Variants in ZC3H18 observed in about 807,000 individuals in gnomAD.
ZC3H18 encodes the protein zinc finger CCCH domain-containing protein 18.
Under a neutral mutation model 106.1 loss-of-function variants are expected in ZC3H18, and 8 were observed. That is an observed-to-expected ratio of 0.08 (90% CI 0.04 to 0.14). ZC3H18 has a LOEUF of 0.14. Among genes scored for constraint, ZC3H18 ranks in the 10% least tolerant of loss-of-function variants. ZC3H18 has a pLI of 1.00. For synonymous variants in ZC3H18, 635 were observed against 522.1 expected, an observed-to-expected ratio of 1.22 and a Z score of -2.95; for missense variants, 1,318 against 1,278.4, an observed-to-expected ratio of 1.03 and a Z score of -0.47.
At chr16:88,613,900 C>G (rs1422608364) in intron 8 of ZC3H18, among the ~76,000 whole-genome samples, 1 of 152,086 alleles carries the variant, frequency 6.6e-6, no homozygotes, top group Non-Finnish European at 1.5e-5. Flanking sequence ...GTCTTTGATC[C>G]AGGCTGGGTG....
intron 10 of ZC3H18, 68 bp from the exon 11 acceptor site, chr16:88,623,890 C>T: frequency 6.5e-7 from 1 of 1,536,116 alleles, no homozygotes; most frequent in Non-Finnish European, 8.8e-7. Flanking sequence ...TGGGTGGGTC[C>T]TCAGTGGGCT....
chr16:88,594,186 C>G (rs1032046312), intron 3 of ZC3H18, among the ~76,000 whole-genome samples: 1 of 152,148 alleles, frequency 6.6e-6, no homozygotes, highest in East Asian at 1.9e-4. Context: ...CCAGGGTCAG[C>G]ATTCAAGAGA....
chr16:88,594,864 A>G (rs114921157), intron 3 of ZC3H18, among the ~76,000 whole-genome samples: 2,551 of 152,292 alleles, frequency 0.017, 38 homozygotes, highest in Non-Finnish European at 0.019. Flanking sequence ...AGAGAATAAA[A>G]CAGTTGGCTG....
intron 6 of ZC3H18, among the ~76,000 whole-genome samples, chr16:88,602,991 G>A (rs1189736897): frequency 6.6e-6 from 1 of 151,102 alleles, no homozygotes; most frequent in African/African-American, 2.4e-5. Flanking sequence ...TTGAGACGGA[G>A]TCTCGCTCTG....
At chr16:88,624,867 GC>G (rs1906204065) in intron 12 of ZC3H18, 122 bp downstream of exon 12, 3 of 1,378,410 alleles carry the variant, frequency 2.2e-6, no homozygotes, top group Non-Finnish European at 2.9e-6. Context: ...GCGCCCCCTA[GC>G]CGAGCAGCAC....
intron 8 of ZC3H18, among the ~76,000 whole-genome samples, chr16:88,613,774 A>G (rs1022887913): frequency 2.6e-5 from 4 of 151,976 alleles, no homozygotes; most frequent in African/African-American, 9.7e-5. Flanking sequence ...AATGTTTTCT[A>G]TTTTGTTGCT....
chr16:88,626,216 T>G (rs1906301559), intron 13 of ZC3H18: 2 of 152,184 alleles, frequency 1.3e-5, no homozygotes, highest in African/African-American at 4.8e-5. Flanking sequence ...CTTCCCAAAG[T>G]GCTGGGATTA....
At chr16:88,616,730 C>A (rs1180403807) in intron 8 of ZC3H18, among the ~76,000 whole-genome samples, 1 of 152,100 alleles carries the variant, frequency 6.6e-6, no homozygotes, top group African/African-American at 2.4e-5. Context: ...AAGAACTTTT[C>A]TCACCTAAAC....
At chr16:88,625,554 A>T (rs1479016498) in intron 13 of ZC3H18, 2 of 434,084 alleles carry the variant, frequency 4.6e-6, no homozygotes, top group East Asian at 8.9e-5. Context: ...GATGCCCAGC[A>T]CCCTGAGAGA....
In ZC3H18 at chr16:88,631,559, A is replaced by T; in HGVS notation, c.*260A>T. On this transcript the variant is annotated 3_prime_UTR_variant, in exon 18 of 18. Coordinates refer to ENST00000301011, the MANE Select transcript of ZC3H18 (RefSeq NM_144604.4). ...CAGCACGGTTCTCATGTAAATTACA[A>T]GCCCCAGCCGCCAGCCCCGCCTTCT... is the stretch of plus-strand genomic sequence containing the variant. 1 of 577,790 alleles carries T rather than the reference A, an allele frequency of 1.7e-6. No individual in the cohort carries two copies. Among genetic ancestry groups the T allele is most frequent in the South Asian group, 1.5e-5 (1 of 65,358 alleles). The allele number at this position is 577,790 out of a possible 1,614,324, so 35.8% of individuals were successfully genotyped here. A position where few individuals can be genotyped will look rare whatever the true frequency, so the allele number is the denominator to read the frequency against.
intron 3 of ZC3H18, among the ~76,000 whole-genome samples, chr16:88,595,971 C>T (rs2142655037): frequency 6.6e-6 from 1 of 152,294 alleles, no homozygotes; most frequent in African/African-American, 2.4e-5. Context: ...TTCTTTCTGC[C>T]TGACGTCTGC....
At chr16:88,588,065 C>G (rs77146941) in intron 3 of ZC3H18, among the ~76,000 whole-genome samples, 1 of 152,218 alleles carries the variant, frequency 6.6e-6, no homozygotes, top group Non-Finnish European at 1.5e-5. Flanking sequence ...TAGATTGTCA[C>G]AGACACACCT....
chr16:88,585,267 C>T (rs1008802255), intron 2 of ZC3H18, among the ~76,000 whole-genome samples: 9 of 152,212 alleles, frequency 5.9e-5, no homozygotes, highest in African/African-American at 9.6e-5. Flanking sequence ...AACCAGATAT[C>T]TTTGAGGCAA....
At chr16:88,599,008 G>A (rs183272288) in intron 5 of ZC3H18, among the ~76,000 whole-genome samples, 26 of 152,282 alleles carry the variant, frequency 1.7e-4, no homozygotes, top group African/African-American at 3.9e-4. Flanking sequence ...ACAGGCATGC[G>A]CCACCAGGCC....
chr16:88,592,891 T>A (rs76747291), intron 3 of ZC3H18, among the ~76,000 whole-genome samples: 1 of 66,550 alleles, frequency 1.5e-5, no homozygotes, highest in Non-Finnish European at 3.3e-5. Context: ...ATTATTTATT[T>A]TTATTATTCG....
intron 6 of ZC3H18, among the ~76,000 whole-genome samples, chr16:88,600,752 G>A (rs1184790667): frequency 6.6e-6 from 1 of 152,230 alleles, no homozygotes; most frequent in African/African-American, 2.4e-5. Context: ...CTTAACAGAA[G>A]AAGTGCCTGG....
rs1906354050 is a variant in ZC3H18, at chr16:88,627,029, A to G, written c.2109-593A>G. The G allele has an allele frequency of 1.3e-5, 2 of 152,484 alleles. No homozygotes were observed. The highest frequency in any genetic ancestry group is 4.8e-5 in the African/African-American group (2 of 41,440). The allele number at this position is 152,484 out of a possible 1,614,324, so 9.4% of individuals were successfully genotyped here. On this transcript the variant is annotated intron_variant, in intron 13 of 17. Coordinates refer to ENST00000301011, the MANE Select transcript of ZC3H18 (RefSeq NM_144604.4). The surrounding 1 kb of genome is among the most constrained non-coding windows in gnomAD (Gnocchi z 4.5). ...ATCCTTGCCGCTGTTGAGTCAGCTC[A>G]GTCCTGTTTCCCTTCCCAAAAAGCA...
chr16:88,586,578 A>G (rs1293805683), intron 2 of ZC3H18, 22 bp from the exon 3 acceptor site: 1 of 1,609,674 alleles, frequency 6.2e-7, no homozygotes, highest in Non-Finnish European at 8.5e-7. Context: ...CCCCCACGCT[A>G]AGACGGTGTT....
chr16:88,605,351 T>C (rs1220450022), intron 6 of ZC3H18, among the ~76,000 whole-genome samples: 1 of 152,260 alleles, frequency 6.6e-6, no homozygotes, highest in Non-Finnish European at 1.5e-5. Flanking sequence ...CTGCCTGCAC[T>C]TTCAGTGGCC....
Sources: gnomAD v4.1 joint callset for allele counts (sites outside exome capture counted in the v4.1 genomes callset) on GRCh38, gnomAD v4.1.1 for gene constraint, Gnocchi (gnomAD v3.1) non-coding constraint, MANE v1.5 for transcripts, NCBI Gene and HGNC (gene_info 2026-07-23, HGNC 2026-07-21) for gene names.